TTC29: variants seen among roughly 807,000 people sequenced by gnomAD.
The protein encoded by TTC29 is tetratricopeptide repeat domain 29, also known as tetratricopeptide repeat protein 29.
TTC29 carries 49 observed loss-of-function variants against 58.1 expected under a neutral mutation model. That is an observed-to-expected ratio of 0.84 (90% CI 0.67 to 1.07). The LOEUF is 1.07. Among genes scored for constraint, TTC29 ranks in the 50% least tolerant of loss-of-function variants. The pLI is 0.00. For synonymous variants in TTC29, 209 were observed against 196.8 expected (o/e 1.06, Z -0.52); for missense variants, 582 against 555.6 (o/e 1.05, Z -0.48).
chr4:146,734,471 TTAAC>T (rs1744577280), intron 11 of TTC29, among the ~76,000 whole-genome samples: 1 of 152,132 alleles, frequency 6.6e-6, no homozygotes, highest in Non-Finnish European at 1.5e-5. Flanking sequence ...CTCCAACAAA[TTAAC>T]TAAACCTAAA....
intron 4 of TTC29, among the ~76,000 whole-genome samples, chr4:146,935,266 G>C (rs1425638336): frequency 6.6e-6 from 1 of 152,094 alleles, no homozygotes; most frequent in African/African-American, 2.4e-5. Context: ...TGGGGTACAT[G>C]ATGAGAGGTT....
At chr4:146,880,902 A>G (rs1731580865) in intron 6 of TTC29, among the ~76,000 whole-genome samples, 1 of 152,144 alleles carries the variant, frequency 6.6e-6, no homozygotes, top group African/African-American at 2.4e-5. Flanking sequence ...GTGCATTAAA[A>G]TGAACTCATT....
intron 10 of TTC29, among the ~76,000 whole-genome samples, chr4:146,816,816 A>C (rs1193731054): frequency 6.6e-6 from 1 of 152,192 alleles, no homozygotes; most frequent in Non-Finnish European, 1.5e-5. Context: ...ATTCAAATTA[A>C]TTTCAAACTC....
chr4:146,896,695 T>C (rs1296469475), intron 6 of TTC29, among the ~76,000 whole-genome samples: 1 of 152,180 alleles, frequency 6.6e-6, no homozygotes, highest in African/African-American at 2.4e-5. Flanking sequence ...TCTCTCATTG[T>C]TTTCATTTCT....
chr4:146,762,357 T>G (rs1451768473), intron 11 of TTC29, among the ~76,000 whole-genome samples: 1 of 151,372 alleles, frequency 6.6e-6, no homozygotes, highest in Non-Finnish European at 1.5e-5. Flanking sequence ...TTTTTTTTTT[T>G]TTTTTCCTGT....
At chr4:146,855,619 C>T (rs1013912060) in intron 8 of TTC29, among the ~76,000 whole-genome samples, 4 of 152,050 alleles carry the variant, frequency 2.6e-5, no homozygotes, top group African/African-American at 7.2e-5. Context: ...GGTATTAATG[C>T]TATTTTTAAA....
intron 10 of TTC29, among the ~76,000 whole-genome samples, chr4:146,817,573 A>G (rs148933126): frequency 0.062 from 9,471 of 152,230 alleles, 397 homozygotes; most frequent in Admixed American, 0.13. Context: ...ACAGAATTGG[A>G]AAAAACTACT....
chr4:146,908,295 C>A (rs1003647058), intron 5 of TTC29, among the ~76,000 whole-genome samples: 2 of 152,028 alleles, frequency 1.3e-5, no homozygotes, highest in African/African-American at 4.8e-5. Context: ...ATGCCAAATT[C>A]TAGAATTTCA....
intron 11 of TTC29, among the ~76,000 whole-genome samples, chr4:146,784,122 A>G (rs1748827261): frequency 6.6e-6 from 1 of 151,260 alleles, no homozygotes; most frequent in East Asian, 1.9e-4. Context: ...TAAAATATAT[A>G]CCATATTTAC....
At chr4:146,789,698 C>T (rs1029049148) in intron 11 of TTC29, among the ~76,000 whole-genome samples, 15 of 151,916 alleles carry the variant, frequency 9.9e-5, no homozygotes, top group African/African-American at 2.9e-4. Flanking sequence ...TATCGGAGTA[C>T]TTCACACATA....
At chr4:146,750,575 T>A (rs185393208) in intron 11 of TTC29, among the ~76,000 whole-genome samples, 40 of 152,282 alleles carry the variant, frequency 2.6e-4, no homozygotes, top group African/African-American at 9.4e-4. Context: ...AATTGTGACA[T>A]CAAAAACATA....
intron 8 of TTC29, among the ~76,000 whole-genome samples, chr4:146,861,531 A>G (rs939635275): frequency 1.3e-5 from 2 of 152,150 alleles, no homozygotes; most frequent in African/African-American, 4.8e-5. Context: ...TCCTAAATAA[A>G]TCTATTATTT....
intron 4 of TTC29, among the ~76,000 whole-genome samples, chr4:146,932,099 G>A (rs937517234): frequency 4.0e-5 from 6 of 151,680 alleles, no homozygotes; most frequent in African/African-American, 9.7e-5. Flanking sequence ...ATCTGATCTC[G>A]AAGACAATGC....
intron 11 of TTC29, among the ~76,000 whole-genome samples, chr4:146,778,976 CAAAAAAAAAAAAAAA>C (rs369374851): frequency 7.0e-5 from 2 of 28,536 alleles, no homozygotes; most frequent in South Asian, 2.0e-3. Flanking sequence ...CCTAAATAAG[CAAAAAAAAAAAAAAA>C]AAAAAAAAAA....
chr4:146,872,403 A>G (rs1189275745), intron 7 of TTC29, among the ~76,000 whole-genome samples: 2 of 152,082 alleles, frequency 1.3e-5, no homozygotes, highest in African/African-American at 4.8e-5. Context: ...AACTTTATCA[A>G]AATTAAAAAC....
chr4:146,800,021 A>G (rs756940023), intron 11 of TTC29, among the ~76,000 whole-genome samples: 1 of 152,230 alleles, frequency 6.6e-6, no homozygotes, highest in African/African-American at 2.4e-5. Context: ...GAGCCAAACA[A>G]TTTCAGTTGA....
chr4:146,839,540 G>A (rs1315954044), intron 8 of TTC29, among the ~76,000 whole-genome samples: 6 of 141,680 alleles, frequency 4.2e-5, no homozygotes, highest in African/African-American at 1.6e-4. Context: ...GAACTCGTGT[G>A]TGTGTGTGTG....
At chr4:146,794,668 C>T (rs1424906944) in intron 11 of TTC29, among the ~76,000 whole-genome samples, 2 of 152,004 alleles carry the variant, frequency 1.3e-5, no homozygotes, top group Non-Finnish European at 2.9e-5. Context: ...TGTTTCCCTC[C>T]TTAGGAGCTT....
chr4:146,886,670 C>T (rs934939421), intron 6 of TTC29, among the ~76,000 whole-genome samples: 4 of 151,912 alleles, frequency 2.6e-5, no homozygotes, highest in African/African-American at 9.7e-5. Context: ...TGGGTGAGTC[C>T]TATATCAGAA....
Sources: gnomAD v4.1 joint callset for allele counts (sites outside exome capture counted in the v4.1 genomes callset) on GRCh38, gnomAD v4.1.1 for gene constraint, MANE v1.5 for transcripts, NCBI Gene and HGNC (gene_info 2026-07-23, HGNC 2026-07-21) for gene names.